The following MRO variants were observed in gnomAD, a reference collection of about 807,000 sequenced individuals.
The protein encoded by MRO is protein maestro.
Under a neutral mutation model 31.0 loss-of-function variants are expected in MRO, and 28 were observed. The observed-to-expected ratio is 0.90, with a 90% CI of 0.67 to 1.24. MRO has a LOEUF of 1.24. Among genes scored for constraint, MRO ranks in the 50% most tolerant of loss-of-function variants. The probability of loss-of-function intolerance (pLI) is 0.00; values close to 1 mark genes in which losing one functional copy is unlikely to be tolerated. For missense variants in MRO, 332 were observed against 289.2 expected (o/e 1.15, Z -1.07); for synonymous variants, 108 against 108.4 (o/e 1.00, Z 0.02).
upstream of MRO, among the ~76,000 whole-genome samples, chr18:50,822,070 C>T (rs1044866086): frequency 3.9e-5 from 6 of 152,182 alleles, no homozygotes; most frequent in Middle Eastern, 3.2e-3. Flanking sequence ...AACATATTTG[C>T]ATATCTATAA....
At chr18:50,799,574 G>A (rs1344509657) in intron 7 of MRO, among the ~76,000 whole-genome samples, 184 bp from the exon 8 acceptor site, 1 of 152,116 alleles carries the variant, frequency 6.6e-6, no homozygotes, top group East Asian at 1.9e-4. Flanking sequence ...TCCTCTAGGC[G>A]TTTTGCCATT....
At chr18:50,823,515 C>T (rs1915388589), upstream of MRO, 1 of 152,160 alleles carries the variant, frequency 6.6e-6, no homozygotes, top group African/African-American at 2.4e-5. Flanking sequence ...TTGTTGGTAC[C>T]AGAATGCAAG....
At chr18:50,807,473 C>A (rs1284573679) in intron 3 of MRO, among the ~76,000 whole-genome samples, 1 of 152,176 alleles carries the variant, frequency 6.6e-6, no homozygotes, top group Non-Finnish European at 1.5e-5. Context: ...AGCATATCTG[C>A]AAACATCTAG....
At chr18:50,803,950 T>A (rs1475069876) in intron 5 of MRO, among the ~76,000 whole-genome samples, 2 of 152,258 alleles carry the variant, frequency 1.3e-5, no homozygotes, top group African/African-American at 4.8e-5. Context: ...TCTCTGACTC[T>A]TCTCAGTTTC....
intron 6 of MRO, among the ~76,000 whole-genome samples, chr18:50,800,592 G>A (rs372005484): frequency 2.6e-5 from 4 of 152,144 alleles, no homozygotes; most frequent in East Asian, 1.9e-4. Context: ...AAATTAATAA[G>A]TCATGGGTGG....
At chr18:50,808,691 G>A (rs1003933216) in intron 3 of MRO, among the ~76,000 whole-genome samples, 2 of 151,470 alleles carry the variant, frequency 1.3e-5, no homozygotes, top group Non-Finnish European at 2.9e-5. Flanking sequence ...CTCAGCTCAA[G>A]TGATCCGCCT....
chr18:50,817,325 G>C (rs190059008), intron 2 of MRO, among the ~76,000 whole-genome samples: 22 of 151,834 alleles, frequency 1.4e-4, no homozygotes, highest in Non-Finnish European at 2.9e-4. Context: ...AGAATTCCCC[G>C]GGGTACGTGT....
upstream of MRO, chr18:50,820,047 T>A (rs55661535): frequency 3.1e-6 from 4 of 1,275,068 alleles, no homozygotes; most frequent in Non-Finnish European, 4.4e-6. Context: ...AAACAAAACC[T>A]CCCTGCCAAG....
At chr18:50,813,554 C>A (rs975536731) in intron 2 of MRO, among the ~76,000 whole-genome samples, 37 of 152,366 alleles carry the variant, frequency 2.4e-4, no homozygotes, top group African/African-American at 7.9e-4. Flanking sequence ...CTATTTCTAA[C>A]AAGCTCCCAG....
intron 2 of MRO, among the ~76,000 whole-genome samples, chr18:50,812,774 A>T (rs867292943): frequency 6.6e-6 from 1 of 152,202 alleles, no homozygotes; most frequent in Admixed American, 6.5e-5. Flanking sequence ...GAGAGATGGC[A>T]GGCAAGCAGC....
Position 50,796,136 on chromosome 18 carries a change from T to C in MRO, c.*3201A>G, listed in dbSNP as rs1912771755. 6.6e-6 allele frequency: 1 copy of C among 152,140 alleles called. No individual in the cohort carries two copies. The highest frequency in any genetic ancestry group is 6.5e-5 in the Admixed American group (1 of 15,268). 9.4% of individuals were successfully genotyped at this position (152,140 alleles called of 1,614,324 possible). ...AAATGTCAAAACATTACCTTTGGGT[T>C]GGCATTCAGATAAACGTGGGGAAGG... On this transcript the variant is annotated 3_prime_UTR_variant, in exon 8 of 8. Coordinates refer to ENST00000398439, the MANE Select transcript of MRO (RefSeq NM_031939.6).
chr18:50,797,308 A>G lies in MRO; in HGVS notation c.*2029T>C, dbSNP rs966481425. On this transcript the variant is annotated 3_prime_UTR_variant, in exon 8 of 8. Transcript: ENST00000398439. The stretch of plus-strand genomic sequence containing the variant: ...CACTCTCATTTGTTCCTGGTAGTTC[A>G]ACTCCTTATGTGGCAGCTGGCTTCC... The G allele has an allele frequency of 6.6e-6, 1 of 152,170 alleles. No homozygotes were observed. The highest frequency in any genetic ancestry group is 1.5e-5 in the Non-Finnish European group (1 of 68,040). 9.4% of individuals were successfully genotyped at this position (152,170 alleles called of 1,614,324 possible).
rs977241981 is a variant in MRO at position 50,796,516 on chromosome 18, G to T, written c.*2821C>A. On this transcript the variant is annotated 3_prime_UTR_variant, in exon 8 of 8. Coordinates refer to ENST00000398439, the MANE Select transcript of MRO (RefSeq NM_031939.6). ...ACTTGAGCTCTCCCCTGATTGGGGG[G>T]ATCAGGACTTTGACCTAGGCATTGG... 1.3e-5 allele frequency: 2 copies of T among 152,188 alleles called. No individual in the cohort carries two copies. The highest frequency in any genetic ancestry group is 4.8e-5 in the African/African-American group (2 of 41,430). 9.4% of individuals were successfully genotyped at this position (152,188 alleles called of 1,614,324 possible).
At chr18:50,803,067 C>G (rs532185649) in intron 5 of MRO, among the ~76,000 whole-genome samples, 11 of 152,202 alleles carry the variant, frequency 7.2e-5, no homozygotes, top group Admixed American at 2.0e-4. Flanking sequence ...TGGGAACACA[C>G]GCACGGGTGA....
At chr18:50,815,477 G>A in intron 2 of MRO, 1 of 296,104 alleles carries the variant, frequency 3.4e-6, no homozygotes, top group Non-Finnish European at 6.7e-6. Flanking sequence ...TAGTAGAGGG[G>A]GCCGTGGTGG....
At chr18:50,824,731 G>A (rs1328907559), upstream of MRO, among the ~76,000 whole-genome samples, 2 of 148,688 alleles carry the variant, frequency 1.3e-5, no homozygotes, top group Non-Finnish European at 3.0e-5. Context: ...TGGGATTACA[G>A]GCATGAGCCA....
rs750107767 is a variant in MRO at position 50,801,494 on chromosome 18, C to CTG, written c.438_439dup (p.Ser147ThrfsTer3). 1 of 1,594,488 alleles carries CTG rather than the reference C, an allele frequency of 6.3e-7. No individual in the cohort carries two copies. Among genetic ancestry groups the CTG allele is most frequent in the Non-Finnish European group, 8.5e-7 (1 of 1,172,468 alleles). ...CAAAACAAAGGCCGAGTATCTCAGA[C>CTG]TGTCGTTCTCCTGCGGTCCCCATCA... On this transcript the variant is annotated frameshift_variant, in exon 6 of 8. Transcript: ENST00000398439. LOFTEE classifies it high-confidence loss of function.
intron 2 of MRO, 34 bp from the exon 3 acceptor site, chr18:50,809,438 A>G (rs1464414103): frequency 3.8e-5 from 53 of 1,390,220 alleles, no homozygotes; most frequent in Non-Finnish European, 5.3e-5. Context: ...CACATGCGCC[A>G]CAGACACTCA....
chr18:50,806,765 G>T lies in MRO; in HGVS notation c.185C>A (p.Ala62Asp), dbSNP rs115026723. ...ILAERARDPS[A>D]KKRHMAMRNL... ...TCTCATTGCCATGTGACGCTTTTTA[G>T]CACTGGGGTCCCGAGCTCTTTCTGC... Residue 62 changes from alanine (A) to aspartate (D), a missense_variant, in exon 4 of 8, where the codon GCT becomes GAT. Coordinates refer to ENST00000398439, the MANE Select transcript of MRO (RefSeq NM_031939.6). 176 of 1,614,150 alleles carry T rather than the reference G, an allele frequency of 1.1e-4. 1 individual carries two copies. In the African/African-American group the frequency reaches 2.2e-3, roughly 20 times the overall value.
Sources: allele counts gnomAD v4.1 joint callset (sites outside exome capture counted in the v4.1 genomes callset), GRCh38; gene constraint gnomAD v4.1.1; transcripts MANE v1.5; gene names NCBI Gene and HGNC (gene_info 2026-07-23, HGNC 2026-07-21).